Variants in RFX3 observed in about 807,000 individuals in gnomAD.
The protein encoded by RFX3 is transcription factor RFX3.
A neutral mutation model predicts 98.6 loss-of-function variants in RFX3; 14 were observed. The observed-to-expected ratio is 0.14, with a 90% CI of 0.09 to 0.22. The LOEUF is 0.22. Ranked by LOEUF, RFX3 falls within the 10% of genes least tolerant of loss-of-function variation. RFX3 has a pLI of 1.00. For synonymous variants in RFX3, 383 were observed against 328.4 expected (o/e 1.17, Z -1.80); for missense variants, 639 against 926.9 (o/e 0.69, Z 4.03).
chr9:3,312,146 T>C (rs1194705183), intron 4 of RFX3, among the ~76,000 whole-genome samples: 1 of 152,204 alleles, frequency 6.6e-6, no homozygotes, highest in Non-Finnish European at 1.5e-5. Flanking sequence ...AAGTATTGCT[T>C]CATGAAACTT....
chr9:3,330,186 C>T (rs1046071940), intron 4 of RFX3, 73 bp downstream of exon 4: 3 of 1,482,502 alleles, frequency 2.0e-6, no homozygotes, highest in African/African-American at 2.8e-5. Flanking sequence ...TTGTTCTTTT[C>T]CCTCTATCAA....
rs1051034437 is a variant in RFX3 at position 3,224,323 on chromosome 9, T to C, written c.*719A>G. ...TATGCAAATAATAGTTAAAATTCAA[T>C]GTTTAACGGAAGCTTGCATTGTTAA... On this transcript the variant is annotated 3_prime_UTR_variant, in exon 17 of 17. Transcript: ENST00000617270. The C allele has an allele frequency of 2.6e-5, 4 of 152,244 alleles. No homozygotes were observed. Among genetic ancestry groups the C allele is most frequent in the Admixed American group, 6.5e-5 (1 of 15,276 alleles). The allele number at this position is 152,244 out of a possible 1,614,324, so 9.4% of individuals were successfully genotyped here.
At chr9:3,380,130 TTGGTCAGGC>T (rs1435759651) in intron 2 of RFX3, among the ~76,000 whole-genome samples, 1 of 152,054 alleles carries the variant, frequency 6.6e-6, no homozygotes, top group Admixed American at 6.6e-5. Context: ...TTTCACCATG[TTGGTCAGGC>T]TGGTCTTGAG....
At chr9:3,241,814 A>T (rs1819966428) in intron 15 of RFX3, among the ~76,000 whole-genome samples, 1 of 152,188 alleles carries the variant, frequency 6.6e-6, no homozygotes, top group Admixed American at 6.5e-5. Flanking sequence ...ATTTGCTTAG[A>T]CTAATATTCC....
intron 1 of RFX3, among the ~76,000 whole-genome samples, chr9:3,442,883 A>T (rs1049533149): frequency 1.3e-5 from 2 of 152,170 alleles, no homozygotes; most frequent in African/African-American, 4.8e-5. Context: ...AAAATTAATA[A>T]ATTAGACTTA....
intron 1 of RFX3, among the ~76,000 whole-genome samples, chr9:3,508,512 C>T (rs1817336989): frequency 6.6e-6 from 1 of 151,818 alleles, no homozygotes; most frequent in African/African-American, 2.4e-5. Flanking sequence ...GAAACAGCGG[C>T]ATTAAATTTT....
At chr9:3,522,974 G>A (rs1401856570) in intron 1 of RFX3, among the ~76,000 whole-genome samples, 1 of 152,080 alleles carries the variant, frequency 6.6e-6, no homozygotes, top group Non-Finnish European at 1.5e-5. Context: ...TTTGAGTACT[G>A]GAGGAATAAT....
At chr9:3,515,113 A>G (rs1457314048) in intron 1 of RFX3, among the ~76,000 whole-genome samples, 2 of 152,214 alleles carry the variant, frequency 1.3e-5, no homozygotes, top group African/African-American at 4.8e-5. Flanking sequence ...ATATATCCAC[A>G]AAACCATTTA....
intron 6 of RFX3, among the ~76,000 whole-genome samples, chr9:3,292,432 G>GTT (rs928762282): frequency 3.5e-4 from 53 of 152,142 alleles, no homozygotes; most frequent in African/African-American, 1.2e-3. Context: ...ACTATACTAT[G>GTT]TTTTTCCTTC....
At chr9:3,397,450 T>C (rs1841010430) in intron 1 of RFX3, among the ~76,000 whole-genome samples, 1 of 152,228 alleles carries the variant, frequency 6.6e-6, no homozygotes, top group South Asian at 2.1e-4. Flanking sequence ...TAACCCCTCT[T>C]GGCATCTGTT....
chr9:3,467,440 G>T (rs1848411496), intron 1 of RFX3, among the ~76,000 whole-genome samples: 1 of 151,016 alleles, frequency 6.6e-6, no homozygotes, highest in African/African-American at 2.4e-5. Flanking sequence ...CATACATTAA[G>T]GCTTGCAACT....
rs1417294739 is a variant in RFX3 at position 3,263,037 on chromosome 9, C to A, written c.1503G>T (p.Ser501=). ...GAGCTGCCTGGGCCAGGTGATTAAG[C>A]GACGTGTATCTTCGCAGAGTCTGGG... is the stretch of plus-strand genomic sequence containing the variant. ...AFAQTLRRYT[S]LNHLAQAARA... is the part of the protein sequence containing the mutation. Residue 501 remains serine, a synonymous_variant, in exon 13 of 17, where the codon TCG becomes TCT. Coordinates refer to ENST00000617270, the MANE Select transcript of RFX3 (RefSeq NM_001282116.2). The A allele has an allele frequency of 1.1e-5, 17 of 1,613,804 alleles. No homozygotes were observed. Among genetic ancestry groups the A allele is most frequent in the Non-Finnish European group, 1.3e-5 (15 of 1,179,778 alleles).
chr9:3,491,967 C>T (rs1850754442), intron 1 of RFX3, among the ~76,000 whole-genome samples: 1 of 152,158 alleles, frequency 6.6e-6, no homozygotes, highest in Non-Finnish European at 1.5e-5. Context: ...ATCCAAAGTG[C>T]TACATTGGCC....
chr9:3,345,845 G>A (rs1219638157), intron 3 of RFX3, among the ~76,000 whole-genome samples: 80 of 152,074 alleles, frequency 5.3e-4, no homozygotes, highest in East Asian at 5.8e-4. Flanking sequence ...TTGACATCAC[G>A]GAAATAAATG....
intron 3 of RFX3, among the ~76,000 whole-genome samples, chr9:3,343,887 A>C (rs1834161132): frequency 6.6e-6 from 1 of 152,224 alleles, no homozygotes; most frequent in Non-Finnish European, 1.5e-5. Flanking sequence ...AGACCTCATT[A>C]GTCATGATCT....
chr9:3,433,362 C>CT (rs1309417205), intron 1 of RFX3, among the ~76,000 whole-genome samples: 2 of 152,142 alleles, frequency 1.3e-5, no homozygotes, highest in African/African-American at 4.8e-5. Context: ...TTATGATTAT[C>CT]TACTCCCATT....
chr9:3,319,991 CA>C (rs1484148591), intron 4 of RFX3, among the ~76,000 whole-genome samples: 1 of 152,054 alleles, frequency 6.6e-6, no homozygotes, highest in Non-Finnish European at 1.5e-5. Context: ...TCTAAACTTT[CA>C]ACAGTCTAAT....
chr9:3,404,592 A>G (rs1431424122), intron 1 of RFX3, among the ~76,000 whole-genome samples: 1 of 152,126 alleles, frequency 6.6e-6, no homozygotes, highest in East Asian at 1.9e-4. Context: ...TATTATCTAA[A>G]GTTGGTTATC....
At chr9:3,476,950 C>G (rs972026171) in intron 1 of RFX3, among the ~76,000 whole-genome samples, 2 of 151,988 alleles carry the variant, frequency 1.3e-5, no homozygotes, top group Non-Finnish European at 2.9e-5. Flanking sequence ...TTCAATTTTC[C>G]CCATCTATAA....
Sources: allele counts gnomAD v4.1 joint callset (sites outside exome capture counted in the v4.1 genomes callset), GRCh38; gene constraint gnomAD v4.1.1; transcripts MANE v1.5; gene names NCBI Gene and HGNC (gene_info 2026-07-23, HGNC 2026-07-21).